TPPP: variants seen among roughly 807,000 people sequenced by gnomAD.
The protein encoded by TPPP is tubulin polymerization-promoting protein.
Under a neutral mutation model 15.5 loss-of-function variants are expected in TPPP, and 6 were observed. The ratio of observed to expected loss-of-function variants is 0.39; its 90% CI spans 0.21 to 0.77. The LOEUF (loss-of-function observed/expected upper bound fraction) is 0.77, where lower values mean the gene tolerates loss of function less well. Among genes scored for constraint, TPPP ranks in the 30% least tolerant of loss-of-function variants. TPPP has a pLI of 0.42. For synonymous variants in TPPP, 146 were observed against 133.9 expected (o/e 1.09, Z -0.63); for missense variants, 269 against 307.2 (o/e 0.88, Z 0.93).
chr5:666,037 C>T lies in TPPP; in HGVS notation c.398G>A (p.Ser133Asn). 2 of 1,611,776 alleles carry T rather than the reference C, an allele frequency of 1.2e-6. No individual in the cohort carries two copies. Among genetic ancestry groups the T allele is most frequent in the Non-Finnish European group, 1.7e-6 (2 of 1,179,684 alleles). Residue 133 changes from serine to asparagine, a missense_variant, in exon 3 of 4, where the codon AGC (serine) becomes AAC (asparagine). Coordinates refer to ENST00000360578, the MANE Select transcript of TPPP (RefSeq NM_007030.3). The part of the protein sequence containing the change: ...LAKKRFKDKS[S>N]EEAVREVHRL... ...GTGCACCTCGCGAACGGCCTCCTCGCTGCTCTTGTCTTTGAATCGCTTCTT... is the reference window on the plus strand; with the variant it reads ...GTGCACCTCGCGAACGGCCTCCTCGTTGCTCTTGTCTTTGAATCGCTTCTT...
chr5:676,980 C>CACAGAAACGCACACAT (rs1561088490), intron 2 of TPPP, among the ~76,000 whole-genome samples: 2 of 119,608 alleles, frequency 1.7e-5, no homozygotes, highest in African/African-American at 5.3e-5. Context: ...AACGCACACA[C>CACAGAAACGCACACAT]GACGCAGAAA....
chr5:663,320 G>A lies in TPPP; in HGVS notation c.*1782C>T, dbSNP rs549940756. 3.5e-4 allele frequency: 53 copies of A among 152,596 alleles called. No individual in the cohort carries two copies. Among genetic ancestry groups the A allele is most frequent in the African/African-American group, 1.2e-3 (50 of 41,596 alleles). 9.5% of individuals were successfully genotyped at this position (152,596 alleles called of 1,614,324 possible). On this transcript the variant is annotated 3_prime_UTR_variant, in exon 4 of 4. Coordinates refer to ENST00000360578, the MANE Select transcript of TPPP (RefSeq NM_007030.3). ...CAGGTTCAGCGGGGGCACAGGGCTG[G>A]GCTTGGGCACCCCCCGCCTTCCCCA...
At chr5:691,898 A>C (rs1399831727) in intron 1 of TPPP, among the ~76,000 whole-genome samples, 1 of 53,024 alleles carries the variant, frequency 1.9e-5, no homozygotes, top group Non-Finnish European at 3.4e-5. Context: ...GCAGCCCCCC[A>C]AACCCCCATC....
At chr5:673,761 C>T (rs1478916561) in intron 2 of TPPP, among the ~76,000 whole-genome samples, 1 of 152,160 alleles carries the variant, frequency 6.6e-6, no homozygotes, top group African/African-American at 2.4e-5. Context: ...AGCTTTAGCC[C>T]CCCAAGCGCC....
intron 2 of TPPP, among the ~76,000 whole-genome samples, chr5:677,145 T>G (rs1364225579): frequency 6.6e-6 from 1 of 152,236 alleles, no homozygotes; most frequent in Non-Finnish European, 1.5e-5. Flanking sequence ...GCCTCCTTGG[T>G]GCCCTTTGCC....
upstream of TPPP, among the ~76,000 whole-genome samples, chr5:693,789 C>G (rs1485897683): frequency 6.7e-6 from 1 of 148,960 alleles, no homozygotes; most frequent in African/African-American, 2.5e-5. Flanking sequence ...GGCGGGGCCT[C>G]GAGGACGGTG....
chr5:700,399 C>T, the TPPP span, among the ~76,000 whole-genome samples: 6 of 151,878 alleles, frequency 4.0e-5, no homozygotes, highest in South Asian at 2.1e-4. Context: ...TACACATGGA[C>T]GTATGGAGTG....
intron 1 of TPPP, among the ~76,000 whole-genome samples, chr5:683,368 G>A (rs57966672): frequency 0.24 from 36,106 of 150,968 alleles, 8,820 homozygotes; most frequent in African/African-American, 0.63. Flanking sequence ...CAGGCTGGGA[G>A]CATCAGGCAC....
In TPPP at chr5:662,397, G is replaced by A. The variant is rs1339774135; in HGVS notation, c.*2705C>T. On this transcript the variant is annotated 3_prime_UTR_variant, in exon 4 of 4. Transcript: ENST00000360578. Reference sequence around the variant, plus strand: ...GTCTGAGGCCAACCAGGGACCAGGAGGCAGCGTCCTGGTGCCCAGCACCTC... The same window carrying A: ...GTCTGAGGCCAACCAGGGACCAGGAAGCAGCGTCCTGGTGCCCAGCACCTC... 2 of 152,506 alleles carry A rather than the reference G, an allele frequency of 1.3e-5. No homozygotes were observed. The highest frequency in any genetic ancestry group is 2.9e-5 in the Non-Finnish European group (2 of 68,098). 9.4% of individuals were successfully genotyped at this position (152,506 alleles called of 1,614,324 possible).
In TPPP at chr5:660,065, C is replaced by T. The variant is rs576787211; in HGVS notation, c.*5037G>A. On this transcript the variant is annotated 3_prime_UTR_variant, in exon 4 of 4. Transcript: ENST00000360578. ...GGCCACCCCACCCCGCGGACGTCCG[C>T]GGTGAGTGCGGTTTAGACATCAGCA... The T allele has an allele frequency of 1.1e-3, 165 of 152,432 alleles. No homozygotes were observed. Among genetic ancestry groups the T allele is most frequent in the African/African-American group, 3.4e-3 (140 of 41,570 alleles). The allele number at this position is 152,432 out of a possible 1,614,324, so 9.4% of individuals were successfully genotyped here. A position where few individuals can be genotyped will look rare whatever the true frequency, so the allele number is the denominator to read the frequency against.
intron 1 of TPPP, among the ~76,000 whole-genome samples, chr5:688,821 G>A (rs1579200635): frequency 8.2e-6 from 1 of 122,012 alleles, no homozygotes; most frequent in African/African-American, 2.7e-5. Flanking sequence ...AGAAGCGGGG[G>A]CCGGTGTGCG....
At chr5:669,742 G>C (rs2126879356) in intron 2 of TPPP, among the ~76,000 whole-genome samples, 1 of 152,214 alleles carries the variant, frequency 6.6e-6, no homozygotes, top group East Asian at 1.9e-4. Context: ...GAGTGTCTCG[G>C]GGAAAGGGCG....
At chr5:678,800 T>A (rs1188478323) in intron 1 of TPPP, among the ~76,000 whole-genome samples, 4 of 152,034 alleles carry the variant, frequency 2.6e-5, no homozygotes, top group Non-Finnish European at 4.4e-5. Context: ...GCCCCCAGAG[T>A]AGGCGGCTGG....
intron 2 of TPPP, among the ~76,000 whole-genome samples, chr5:671,155 C>T (rs962999858): frequency 6.6e-6 from 1 of 151,862 alleles, no homozygotes; most frequent in Non-Finnish European, 1.5e-5. Context: ...GAGGGGCCGC[C>T]TGGGATCAGC....
chr5:688,543 C>T (rs1167326242), intron 1 of TPPP, among the ~76,000 whole-genome samples: 1 of 152,134 alleles, frequency 6.6e-6, no homozygotes, highest in Admixed American at 6.6e-5. Flanking sequence ...CCATCCCACT[C>T]CCGGAACACG....
intron 2 of TPPP, among the ~76,000 whole-genome samples, chr5:668,474 G>A (rs1740044357): frequency 1.3e-5 from 2 of 152,040 alleles, no homozygotes; most frequent in Admixed American, 6.5e-5. Flanking sequence ...AGGGGGCCGC[G>A]TGGGCGCCGT....
intron 1 of TPPP, among the ~76,000 whole-genome samples, chr5:678,474 G>A (rs890805499): frequency 5.5e-5 from 8 of 144,410 alleles, no homozygotes; most frequent in Non-Finnish European, 7.4e-5. Context: ...TCCTGTGGAC[G>A]CCCGCTCTGC....
chr5:693,358 C>A (rs1740946194), upstream of TPPP: 1 of 148,962 alleles, frequency 6.7e-6, no homozygotes, highest in Admixed American at 6.7e-5. Context: ...GCTCTCCAGC[C>A]GCCGCCCCGC....
At chr5:694,216 G>T (rs1187473142), upstream of TPPP, among the ~76,000 whole-genome samples, 1 of 151,764 alleles carries the variant, frequency 6.6e-6, no homozygotes, top group East Asian at 1.9e-4. Flanking sequence ...CCGGCCCTCC[G>T]CAGGAGTTGG....
Sources: allele counts gnomAD v4.1 joint callset (sites outside exome capture counted in the v4.1 genomes callset), GRCh38; gene constraint gnomAD v4.1.1; transcripts MANE v1.5; gene names NCBI Gene and HGNC (gene_info 2026-07-23, HGNC 2026-07-21).